The following CEP70 variants were observed in gnomAD, a reference collection of about 807,000 sequenced individuals.
CEP70 encodes centrosomal protein 70.
Under a neutral mutation model 90.9 loss-of-function variants are expected in CEP70, and 70 were observed. That is an observed-to-expected ratio of 0.77 (90% CI 0.64 to 0.94). The LOEUF is 0.94. Among genes scored for constraint, CEP70 ranks in the 40% least tolerant of loss-of-function variants. The pLI is 0.00. For missense variants in CEP70, 648 were observed against 669.0 expected, an observed-to-expected ratio of 0.97 and a Z score of 0.35; for synonymous variants, 220 against 228.3, an observed-to-expected ratio of 0.96 and a Z score of 0.33.
intron 8 of CEP70, among the ~76,000 whole-genome samples, chr3:138,530,135 A>G (rs965057511): frequency 6.6e-5 from 10 of 152,240 alleles, no homozygotes; most frequent in African/African-American, 2.4e-4. Context: ...TTGATTAACT[A>G]TCACTGTGAT....
rs138711559 is a variant in CEP70, at chr3:138,570,406, A to G, written c.377T>C (p.Ile126Thr). 15 of 1,609,136 alleles carry G rather than the reference A, an allele frequency of 9.3e-6. No homozygotes were observed. Among genetic ancestry groups the G allele is most frequent in the African/African-American group, 5.4e-5 (4 of 74,602 alleles). Residue 126 changes from isoleucine (I) to threonine (T), a missense_variant, in exon 6 of 18, where the codon ATT becomes ACT. By Grantham distance (89) the Ile-to-Thr change is moderately conservative. Transcript: ENST00000264982. ...EQIMESVKSKIGELEDESLSR... is the reference protein window; with the variant it reads ...EQIMESVKSKTGELEDESLSR... ...TAGTGATTCATCCTCCAATTCACCA[A>G]TTTTGGATTTCACACTTTCCATAAT...
At chr3:138,495,480 A>G (rs1320765957) in intron 17 of CEP70, among the ~76,000 whole-genome samples, 1 of 152,172 alleles carries the variant, frequency 6.6e-6, no homozygotes, top group Non-Finnish European at 1.5e-5. Context: ...AGGACTTAGG[A>G]ATTTCTTCTC....
intron 11 of CEP70, among the ~76,000 whole-genome samples, chr3:138,517,362 A>G (rs2036128485): frequency 6.6e-6 from 1 of 152,162 alleles, no homozygotes; most frequent in Non-Finnish European, 1.5e-5. Flanking sequence ...GCATAAGCTG[A>G]CATGTAATAA....
At chr3:138,560,784 C>A (rs1396015321) in intron 6 of CEP70, among the ~76,000 whole-genome samples, 1 of 152,138 alleles carries the variant, frequency 6.6e-6, no homozygotes, top group Non-Finnish European at 1.5e-5. Context: ...CGCACCACAG[C>A]TCAGCAAGGC....
At chr3:138,586,747 A>G (rs1278609362) in intron 2 of CEP70, among the ~76,000 whole-genome samples, 2 of 152,226 alleles carry the variant, frequency 1.3e-5, no homozygotes, top group Non-Finnish European at 2.9e-5. Context: ...GAAAAAAAGA[A>G]TAAGATCTAA....
At chr3:138,588,892 C>T (rs920358373) in intron 2 of CEP70, among the ~76,000 whole-genome samples, 1 of 152,216 alleles carries the variant, frequency 6.6e-6, no homozygotes, top group East Asian at 1.9e-4. Flanking sequence ...ATGGAATACC[C>T]CTCAGCAATA....
chr3:138,557,531 G>A (rs2040103534), intron 6 of CEP70, among the ~76,000 whole-genome samples: 1 of 152,208 alleles, frequency 6.6e-6, no homozygotes, highest in Non-Finnish European at 1.5e-5. Context: ...TTAATTTGGG[G>A]AACTAATAAA....
intron 6 of CEP70, among the ~76,000 whole-genome samples, chr3:138,545,972 C>T (rs1165838013): frequency 1.3e-5 from 2 of 152,058 alleles, no homozygotes; most frequent in Non-Finnish European, 2.9e-5. Flanking sequence ...ACTAATTTTG[C>T]CCTTTGCCTT....
intron 12 of CEP70, among the ~76,000 whole-genome samples, chr3:138,505,935 C>T (rs139979013): frequency 0.017 from 2,540 of 152,308 alleles, 214 homozygotes; most frequent in Admixed American, 0.15. Context: ...CCTTCCCAGA[C>T]ACATCCAGAA....
intron 6 of CEP70, among the ~76,000 whole-genome samples, chr3:138,544,038 C>T (rs2038971960): frequency 6.6e-6 from 1 of 152,126 alleles, no homozygotes; most frequent in Admixed American, 6.5e-5. Flanking sequence ...CCTGTAATCT[C>T]CACACTTTCG....
At chr3:138,586,015 A>G (rs546007804) in intron 2 of CEP70, among the ~76,000 whole-genome samples, 1 of 152,362 alleles carries the variant, frequency 6.6e-6, no homozygotes, top group South Asian at 2.1e-4. Flanking sequence ...CAACCAAAGC[A>G]AAAATAGACA....
At chr3:138,500,910 TATTG>T in intron 13 of CEP70, 29 bp from the exon 14 acceptor site, 2 of 1,195,698 alleles carry the variant, frequency 1.7e-6, no homozygotes, top group South Asian at 4.5e-5. Flanking sequence ...TATATGGTAT[TATTG>T]ATTTAAATAA....
intron 7 of CEP70, among the ~76,000 whole-genome samples, chr3:138,533,144 C>T (rs555893146): frequency 1.3e-4 from 19 of 151,894 alleles, no homozygotes; most frequent in East Asian, 1.2e-3. Context: ...AGCTGGGCGT[C>T]GTGGCGAGTG....
chr3:138,500,874 T>C lies in CEP70; in HGVS notation c.1229A>G (p.Tyr410Cys), dbSNP rs767791125. Residue 410 changes from tyrosine to cysteine, a missense_variant, in exon 14 of 18, where the codon TAT (tyrosine) becomes TGT (cysteine). Physicochemically the swap from Tyr to Cys is radical, Grantham distance 194 (BLOSUM62 -2). Coordinates refer to ENST00000264982, the MANE Select transcript of CEP70 (RefSeq NM_024491.4). ...ADQLTSLKDL[Y>C]KSLKTLSAEL... The stretch of plus-strand genomic sequence containing the variant: ...TGCAGATAGTGTTTTCAAGGACTTA[T>C]ACAAATCCTTTATAACAAAAGAAAC... The C allele has an allele frequency of 5.9e-6, 9 of 1,524,378 alleles. No individual in the cohort carries two copies. In the South Asian group the frequency reaches 1.2e-4, roughly 21 times the overall value. The allele number at this position is 1,524,378 out of a possible 1,614,324, so 94.4% of individuals were successfully genotyped here. A position where few individuals can be genotyped will look rare whatever the true frequency, so the allele number is the denominator to read the frequency against.
At chr3:138,542,231 G>A (rs947083523) in intron 6 of CEP70, among the ~76,000 whole-genome samples, 1 of 152,208 alleles carries the variant, frequency 6.6e-6, no homozygotes, top group Non-Finnish European at 1.5e-5. Flanking sequence ...GGCTCCATGT[G>A]AGACTGTGGC....
At chr3:138,564,049 A>G (rs1299663746) in intron 6 of CEP70, among the ~76,000 whole-genome samples, 14 of 152,370 alleles carry the variant, frequency 9.2e-5, no homozygotes, top group Admixed American at 6.5e-4. Context: ...ACAAACTGCC[A>G]TCAGAGAATA....
intron 2 of CEP70, among the ~76,000 whole-genome samples, chr3:138,590,475 T>C (rs374695222): frequency 6.6e-6 from 1 of 152,048 alleles, no homozygotes; most frequent in African/African-American, 2.4e-5. Context: ...GTAACTGAAA[T>C]ATTATTTCCC....
chr3:138,571,135 CTGTT>C lies in CEP70; in HGVS notation c.179_182del (p.Lys60SerfsTer6), dbSNP rs1560436698. ...AATTCTGTCTCATCCTTTGTGATGA[CTGTT>C]TGTCAAAAATGATGAGATCTACATT... On this transcript the variant is annotated frameshift_variant, in exon 5 of 18. Coordinates refer to ENST00000264982, the MANE Select transcript of CEP70 (RefSeq NM_024491.4). LOFTEE classifies it high-confidence loss of function. 1.3e-6 allele frequency: 2 copies of C among 1,592,588 alleles called. No homozygotes were observed. The highest frequency in any genetic ancestry group is 1.7e-6 in the Non-Finnish European group (2 of 1,166,084).
intron 6 of CEP70, among the ~76,000 whole-genome samples, chr3:138,568,162 A>C (rs2040916512): frequency 6.6e-6 from 1 of 151,250 alleles, no homozygotes; most frequent in African/African-American, 2.4e-5. Context: ...GAAGCATGAA[A>C]CCTCCTCTGT....
Sources: allele counts gnomAD v4.1 joint callset (sites outside exome capture counted in the v4.1 genomes callset), GRCh38; gene constraint gnomAD v4.1.1; transcripts MANE v1.5; gene names NCBI Gene and HGNC (gene_info 2026-07-23, HGNC 2026-07-21).